Variants in SDK1 observed in about 807,000 individuals in gnomAD.
SDK1 encodes sidekick cell adhesion molecule 1.
SDK1 carries 157 observed loss-of-function variants against 245.5 expected under a neutral mutation model. The observed-to-expected ratio is 0.64, with a 90% CI of 0.56 to 0.73. The LOEUF (loss-of-function observed/expected upper bound fraction) is 0.73. Among genes scored for constraint, SDK1 ranks in the 30% least tolerant of loss-of-function variants. The pLI is 0.00. For synonymous variants in SDK1, 1,647 were observed against 1,278.5 expected, an observed-to-expected ratio of 1.29 and a Z score of -6.15; for missense variants, 3,583 against 3,002.3, an observed-to-expected ratio of 1.19 and a Z score of -4.52.
In SDK1 at chr7:4,268,661, G is replaced by T. The variant is rs761378574; in HGVS notation, c.*3277G>T. 3 of 1,367,710 alleles carry T rather than the reference G, an allele frequency of 2.2e-6. No individual in the cohort carries two copies. The highest frequency in any genetic ancestry group is 1.1e-5 in the South Asian group (1 of 88,038). 84.7% of individuals were successfully genotyped at this position (1,367,710 alleles called of 1,614,324 possible). On this transcript the variant is annotated 3_prime_UTR_variant, in exon 45 of 45. Transcript: ENST00000404826. Reference sequence around the variant, plus strand: ...TCGTAGCATGGTTTTTATTTCTTACGCATTCTTGGCACACAGTGTAGCTAT... The same window carrying T: ...TCGTAGCATGGTTTTTATTTCTTACTCATTCTTGGCACACAGTGTAGCTAT...
At chr7:3,696,704 T>C (rs940718977) in intron 4 of SDK1, among the ~76,000 whole-genome samples, 3 of 152,098 alleles carry the variant, frequency 2.0e-5, no homozygotes, top group African/African-American at 7.2e-5. Flanking sequence ...GAAACAATGT[T>C]AACAAAAGTA....
intron 1 of SDK1, among the ~76,000 whole-genome samples, chr7:3,517,012 C>G (rs1188627373): frequency 6.6e-6 from 1 of 152,112 alleles, no homozygotes; most frequent in Non-Finnish European, 1.5e-5. Flanking sequence ...ATTGTGTTAT[C>G]TCAGAAGATT....
chr7:4,187,861 A>T lies in SDK1; in HGVS notation c.5098+9275A>T, dbSNP rs532256077. On this transcript the variant is annotated intron_variant, in intron 35 of 44. Transcript: ENST00000404826. The stretch of plus-strand genomic sequence containing the variant: ...CAACTGTTAGAAAATTCCTAGTTGT[A>T]TTGGTTTTCATGCTGCTGATAAAGA... Among the ~76,000 whole-genome samples the T allele has an allele frequency of 5.4e-3, 826 of 152,274 alleles. 9 individuals are homozygous for T. The highest frequency in any genetic ancestry group is 0.019 in the African/African-American group (794 of 41,546).
chr7:3,732,653 G>T (rs2115042525), intron 4 of SDK1, among the ~76,000 whole-genome samples: 1 of 152,346 alleles, frequency 6.6e-6, no homozygotes, highest in East Asian at 1.9e-4. Context: ...TCCTCGCAGT[G>T]TGTCTCCTTC....
chr7:4,067,596 C>T (rs1274942570), intron 19 of SDK1, among the ~76,000 whole-genome samples: 1 of 152,194 alleles, frequency 6.6e-6, no homozygotes, highest in Admixed American at 6.5e-5. Context: ...GTATAAATCT[C>T]CTGCCACCAG....
chr7:3,713,628 A>C (rs1439848737), intron 4 of SDK1, among the ~76,000 whole-genome samples: 33 of 152,218 alleles, frequency 2.2e-4, no homozygotes, highest in Non-Finnish European at 1.5e-5. Context: ...CAGTTCTGTT[A>C]GAATAAGATC....
chr7:4,056,022 G>C (rs192858583), intron 19 of SDK1, among the ~76,000 whole-genome samples: 36 of 152,114 alleles, frequency 2.4e-4, no homozygotes, highest in Admixed American at 1.3e-3. Context: ...TTTTATATTT[G>C]TTGAAGTTTG....
chr7:4,018,670 A>G (rs1051721374), intron 17 of SDK1, among the ~76,000 whole-genome samples: 4 of 152,172 alleles, frequency 2.6e-5, no homozygotes, highest in Non-Finnish European at 5.9e-5. Context: ...TTTCCGGTGC[A>G]TTTGAGTTCT....
chr7:4,146,992 G>A (rs1341442705), intron 29 of SDK1, among the ~76,000 whole-genome samples: 2 of 152,154 alleles, frequency 1.3e-5, no homozygotes, highest in African/African-American at 2.4e-5. Context: ...AGTGGGCTCC[G>A]CGCATGTCCT....
intron 1 of SDK1, among the ~76,000 whole-genome samples, chr7:3,415,380 G>A (rs992391974): frequency 5.3e-5 from 8 of 152,124 alleles, no homozygotes; most frequent in Admixed American, 5.2e-4. Flanking sequence ...AGAGAAGTGT[G>A]TAGAGAAGTT....
chr7:3,504,915 C>T (rs1030271665), intron 1 of SDK1, among the ~76,000 whole-genome samples: 1 of 152,006 alleles, frequency 6.6e-6, no homozygotes, highest in Admixed American at 6.6e-5. Flanking sequence ...AGTTATGTAC[C>T]CAAGAAAAAT....
chr7:3,476,162 G>C (rs749849443), intron 1 of SDK1: 4 of 152,528 alleles, frequency 2.6e-5, no homozygotes, highest in Admixed American at 2.6e-4. Flanking sequence ...GTTTTGGAGA[G>C]CTTCCTAAAA....
At chr7:3,987,999 G>A (rs1307327278) in intron 14 of SDK1, among the ~76,000 whole-genome samples, 1 of 152,046 alleles carries the variant, frequency 6.6e-6, no homozygotes, top group Non-Finnish European at 1.5e-5. Flanking sequence ...TATTTTCCTT[G>A]ATGACTCGAA....
At chr7:3,441,967 T>A (rs1386323565) in intron 1 of SDK1, among the ~76,000 whole-genome samples, 1 of 152,170 alleles carries the variant, frequency 6.6e-6, no homozygotes, top group Non-Finnish European at 1.5e-5. Context: ...ATGATAGGTA[T>A]GAATACGGGA....
rs113590061 is a variant in SDK1 at position 3,345,681 on chromosome 7, C to T, written c.298+43797C>T. Among the ~76,000 whole-genome samples the T allele has an allele frequency of 2.5e-3, 385 of 152,252 alleles. 2 individuals carry two copies. The highest frequency in any genetic ancestry group is 8.8e-3 in the African/African-American group (364 of 41,552). ...GATGGTGGCACGGCTGAAAAGACTC[C>T]TCAGCGTTATCTGTTTTCCCAGGCG... On this transcript the variant is annotated intron_variant, in intron 1 of 44. Coordinates refer to ENST00000404826, the MANE Select transcript of SDK1 (RefSeq NM_152744.4).
chr7:3,987,069 T>C, intron 13 of SDK1, 117 bp from the exon 14 acceptor site: 1 of 983,932 alleles, frequency 1.0e-6, no homozygotes, highest in Middle Eastern at 2.2e-4. Context: ...GGGCATATTT[T>C]ATGTTATTCA....
chr7:3,541,308 C>T lies in SDK1; in HGVS notation c.299-77772C>T, dbSNP rs77245959. The stretch of plus-strand genomic sequence containing the variant: ...AGAGCAAAACCCTTTTACTAAACTC[C>T]TCCTGTGTGCTTCCACTTGCTCAGA... On this transcript the variant is annotated intron_variant, in intron 1 of 44. Transcript: ENST00000404826. Among the ~76,000 whole-genome samples the T allele has an allele frequency of 7.1e-3, 1,082 of 152,308 alleles. 14 individuals carry two copies. The highest frequency in any genetic ancestry group is 0.011 in the Non-Finnish European group (729 of 68,026).
At chr7:3,917,049 A>G (rs1273692456) in intron 5 of SDK1, among the ~76,000 whole-genome samples, 1 of 152,242 alleles carries the variant, frequency 6.6e-6, no homozygotes, top group South Asian at 2.1e-4. Context: ...AAACACTCCC[A>G]TCATCCCTTA....
chr7:4,268,660 C>G lies in SDK1; in HGVS notation c.*3276C>G. The G allele has an allele frequency of 4.4e-6, 6 of 1,367,748 alleles. No individual in the cohort carries two copies. Among genetic ancestry groups the G allele is most frequent in the Non-Finnish European group, 5.9e-6 (6 of 1,021,940 alleles). The allele number at this position is 1,367,748 out of a possible 1,614,324, so 84.7% of individuals were successfully genotyped here. A position where few individuals can be genotyped will look rare whatever the true frequency, so the allele number is the denominator to read the frequency against. On this transcript the variant is annotated 3_prime_UTR_variant, in exon 45 of 45. Coordinates refer to ENST00000404826, the MANE Select transcript of SDK1 (RefSeq NM_152744.4). ...TTCGTAGCATGGTTTTTATTTCTTA[C>G]GCATTCTTGGCACACAGTGTAGCTA...
Sources: gnomAD v4.1 joint callset for allele counts (sites outside exome capture counted in the v4.1 genomes callset) on GRCh38, gnomAD v4.1.1 for gene constraint, MANE v1.5 for transcripts, NCBI Gene and HGNC (gene_info 2026-07-23, HGNC 2026-07-21) for gene names.